Variants in MRPS21 observed in about 807,000 individuals in gnomAD.
The protein encoded by MRPS21 is small ribosomal subunit protein bS21m.
MRPS21 carries 8 observed loss-of-function variants against 9.9 expected under a neutral mutation model. That is an observed-to-expected ratio of 0.81 (90% confidence interval 0.47 to 1.45). The LOEUF (loss-of-function observed/expected upper bound fraction) is 1.45, where lower values mean the gene tolerates loss of function less well. Ranked by LOEUF, MRPS21 falls within the 40% of genes most tolerant of loss-of-function variation. MRPS21 has a pLI of 0.00. For missense variants in MRPS21, 101 were observed against 118.9 expected (o/e 0.85, Z 0.70); for synonymous variants, 40 against 40.3 (o/e 0.99, Z 0.03).
chr1:150,294,308 C>T lies in MRPS21; in HGVS notation c.-32-27C>T. 4 of 1,471,742 alleles carry T rather than the reference C, an allele frequency of 2.7e-6. No individual in the cohort carries two copies. The South Asian group carries it at 3.4e-5, about 13-fold the overall frequency. 91.2% of individuals were successfully genotyped at this position (1,471,742 alleles called of 1,614,324 possible). A position where few individuals can be genotyped will look rare whatever the true frequency, so the allele number is the denominator to read the frequency against. On this transcript the variant is annotated intron_variant, in intron 1 of 2. Transcript: ENST00000614145. ...TATGTTGCGTTTCTCTTTCTGCTTTCCTCGCCCTTTCTCCATCATCCTTTA... is the reference window on the plus strand; with the variant it reads ...TATGTTGCGTTTCTCTTTCTGCTTTTCTCGCCCTTTCTCCATCATCCTTTA...
chr1:150,300,537 C>T (rs1553857485), intron 2 of MRPS21, among the ~76,000 whole-genome samples: 1 of 152,164 alleles, frequency 6.6e-6, no homozygotes. Context: ...GTGTCGTTAA[C>T]AGCAGAGGAG....
chr1:150,308,352 A>T lies in MRPS21; in HGVS notation c.*124A>T. The stretch of plus-strand genomic sequence containing the variant: ...AAACTCAAATCACATGTCTGCAAGA[A>T]GGCCTCCAAATATAGAAACAATCCC... On this transcript the variant is annotated 3_prime_UTR_variant, in exon 3 of 3. Transcript: ENST00000614145. 1 of 971,180 alleles carries T rather than the reference A, an allele frequency of 1.0e-6. No homozygotes were observed. The highest frequency in any genetic ancestry group is 2.0e-5 in the South Asian group (1 of 48,906). The allele number at this position is 971,180 out of a possible 1,614,324, so 60.2% of individuals were successfully genotyped here. A position where few individuals can be genotyped will look rare whatever the true frequency, so the allele number is the denominator to read the frequency against.
chr1:150,301,290 G>A, intron 2 of MRPS21: 2 of 247,302 alleles, frequency 8.1e-6, no homozygotes, highest in Non-Finnish European at 1.7e-5. Flanking sequence ...AGCCAAGATG[G>A]CGCCATTGCA....
At chr1:150,298,592 G>A (rs1192014365) in intron 2 of MRPS21, among the ~76,000 whole-genome samples, 1 of 151,930 alleles carries the variant, frequency 6.6e-6, no homozygotes, top group Non-Finnish European at 1.5e-5. Flanking sequence ...TTGTGGTACA[G>A]TATTATTTAT....
chr1:150,307,192 C>G, intron 2 of MRPS21, among the ~76,000 whole-genome samples: 1 of 150,908 alleles, frequency 6.6e-6, no homozygotes, highest in South Asian at 2.1e-4. Flanking sequence ...GGACTATAGG[C>G]GCCCGCCATC....
intron 2 of MRPS21, among the ~76,000 whole-genome samples, chr1:150,297,765 T>C (rs1653969893): frequency 6.6e-6 from 1 of 152,130 alleles, no homozygotes; most frequent in South Asian, 2.1e-4. Flanking sequence ...TTGTCACCTA[T>C]GCTGAGAGTA....
intron 2 of MRPS21, among the ~76,000 whole-genome samples, chr1:150,296,033 C>T (rs1653904541): frequency 6.6e-6 from 1 of 151,348 alleles, no homozygotes. Context: ...CTCACTGCAG[C>T]CTCCGCCTCC....
intron 2 of MRPS21, among the ~76,000 whole-genome samples, chr1:150,296,291 T>G (rs189127432): frequency 1.3e-5 from 2 of 152,346 alleles, no homozygotes; most frequent in Admixed American, 6.5e-5. Flanking sequence ...AGCAAAAAGT[T>G]CTTAACCTTC....
chr1:150,297,794 T>C (rs1256507556), intron 2 of MRPS21, among the ~76,000 whole-genome samples: 1 of 152,202 alleles, frequency 6.6e-6, no homozygotes, highest in African/African-American at 2.4e-5. Context: ...TACCAGGTTG[T>C]AAGGTATCCT....
Position 150,308,476 on chromosome 1 carries a change from G to T in MRPS21, c.*248G>T. Reference sequence around the variant, plus strand: ...ATGGTATTTGCCAGGGACTGGAGGAGGGGGCAGTGAGGAGTTATTGTTTAA... The same window carrying T: ...ATGGTATTTGCCAGGGACTGGAGGATGGGGCAGTGAGGAGTTATTGTTTAA... On this transcript the variant is annotated 3_prime_UTR_variant, in exon 3 of 3. Transcript: ENST00000614145. 1 of 377,194 alleles carries T rather than the reference G, an allele frequency of 2.7e-6. No individual in the cohort carries two copies. Among genetic ancestry groups the T allele is most frequent in the Non-Finnish European group, 4.9e-6 (1 of 205,398 alleles). 23.4% of individuals were successfully genotyped at this position (377,194 alleles called of 1,614,324 possible). A position where few individuals can be genotyped will look rare whatever the true frequency, so the allele number is the denominator to read the frequency against.
At position 150,299,524 on chromosome 1, in the gene MRPS21, G is replaced by A. The variant is rs782443141; in HGVS notation, c.83+5075G>A. 3.3e-5 allele frequency among the ~76,000 whole-genome samples: 5 copies of A among 151,736 alleles called. No individual in the cohort carries two copies. The South Asian group carries it at 6.2e-4, about 19-fold the overall frequency. On this transcript the variant is annotated intron_variant, in intron 2 of 2. Coordinates refer to ENST00000614145, the MANE Select transcript of MRPS21 (RefSeq NM_031901.6). Reference sequence around the variant, plus strand: ...AGCTGGAGTGCAGTGGCATGATCTCGGCTCACTGCAACCTCCGCCTCCCAG... The same window carrying A: ...AGCTGGAGTGCAGTGGCATGATCTCAGCTCACTGCAACCTCCGCCTCCCAG...
chr1:150,303,963 G>C, intron 2 of MRPS21: 1 of 455,064 alleles, frequency 2.2e-6, no homozygotes. Context: ...TCTAACCTTA[G>C]AAAAGACACA....
At chr1:150,307,397 G>C (rs1654381709) in intron 2 of MRPS21, among the ~76,000 whole-genome samples, 1 of 113,988 alleles carries the variant, frequency 8.8e-6, no homozygotes, top group African/African-American at 3.4e-5. Flanking sequence ...TCACTCTGTT[G>C]TCCAGGCTGG....
chr1:150,303,216 G>GTC (rs1654209739), intron 2 of MRPS21, among the ~76,000 whole-genome samples: 1 of 151,996 alleles, frequency 6.6e-6, no homozygotes, highest in Non-Finnish European at 1.5e-5. Context: ...GTCTTCCTAG[G>GTC]TCATATTTAC....
chr1:150,294,672 G>A (rs1653847990), intron 2 of MRPS21, among the ~76,000 whole-genome samples: 1 of 151,942 alleles, frequency 6.6e-6, no homozygotes, highest in Non-Finnish European at 1.5e-5. Context: ...GCCGAGGCGG[G>A]TGGATCACAT....
chr1:150,304,978 G>A, intron 2 of MRPS21: 2 of 363,860 alleles, frequency 5.5e-6, no homozygotes, highest in Non-Finnish European at 1.1e-5. Flanking sequence ...GGCGGAGGTT[G>A]CAGTGAGCCA....
intron 2 of MRPS21, among the ~76,000 whole-genome samples, chr1:150,300,342 CAAAA>C (rs143575603): frequency 3.0e-5 from 4 of 133,768 alleles, no homozygotes; most frequent in Non-Finnish European, 4.9e-5. Context: ...GACCCTGTCT[CAAAA>C]AAAAAAAGGC....
chr1:150,305,179 A>C (rs1654286543), intron 2 of MRPS21, among the ~76,000 whole-genome samples: 1 of 146,710 alleles, frequency 6.8e-6, no homozygotes, highest in African/African-American at 2.5e-5. Context: ...CTGGGAGTGC[A>C]GGTGTGTGTG....
In MRPS21 at chr1:150,294,350, G is replaced by C. The variant is rs1653835510; in HGVS notation, c.-17G>C. ...CATCCTTTAGGCTCTACAGAGTGAA[G>C]GTTTAAATCCAAGGTCATGGCAAAA... is the stretch of plus-strand genomic sequence containing the variant. On this transcript the variant is annotated 5_prime_UTR_variant, in exon 2 of 3. Transcript: ENST00000614145. 3 of 1,607,324 alleles carry C rather than the reference G, an allele frequency of 1.9e-6. No individual in the cohort carries two copies.
Sources: allele counts gnomAD v4.1 joint callset (sites outside exome capture counted in the v4.1 genomes callset), GRCh38; gene constraint gnomAD v4.1.1; transcripts MANE v1.5; gene names NCBI Gene and HGNC (gene_info 2026-07-23, HGNC 2026-07-21).